The following GRIP1 variants were observed in gnomAD, a reference collection of about 807,000 sequenced individuals.
GRIP1 encodes the protein glutamate receptor-interacting protein 1.
GRIP1 carries 45 observed loss-of-function variants against 129.9 expected under a neutral mutation model. The observed-to-expected ratio is 0.35, with a 90% confidence interval of 0.27 to 0.44. GRIP1 has a LOEUF of 0.44. Ranked by LOEUF, GRIP1 falls within the 20% of genes least tolerant of loss-of-function variation. The pLI is 1.00. For synonymous variants in GRIP1, 530 were observed against 520.8 expected (o/e 1.02, Z -0.24); for missense variants, 1,196 against 1,396.8 (o/e 0.86, Z 2.29).
intron 1 of GRIP1, among the ~76,000 whole-genome samples, chr12:66,946,998 C>T (rs937847330): frequency 2.0e-5 from 3 of 151,300 alleles, no homozygotes; most frequent in Admixed American, 1.3e-4. Flanking sequence ...GAACCGAGAT[C>T]GCACCACTGC....
intron 1 of GRIP1, among the ~76,000 whole-genome samples, chr12:66,731,061 C>G (rs990002845): frequency 7.8e-6 from 1 of 128,144 alleles, no homozygotes; most frequent in African/African-American, 2.6e-5. Flanking sequence ...TGGAGTCATA[C>G]AGCCCATGAA....
At chr12:67,001,386 T>C (rs897956808) in intron 1 of GRIP1, among the ~76,000 whole-genome samples, 2 of 152,082 alleles carry the variant, frequency 1.3e-5, no homozygotes, top group Admixed American at 6.6e-5. Flanking sequence ...AAGAAGGCAA[T>C]GGATGCAAGG....
At chr12:66,578,521 G>A (rs1379000626) in intron 2 of GRIP1, among the ~76,000 whole-genome samples, 1 of 152,186 alleles carries the variant, frequency 6.6e-6, no homozygotes, top group Non-Finnish European at 1.5e-5. Context: ...ACGGGTGACA[G>A]AGGGCACCTG....
At chr12:66,923,164 AG>A (rs1340334670) in intron 1 of GRIP1, among the ~76,000 whole-genome samples, 1 of 152,174 alleles carries the variant, frequency 6.6e-6, no homozygotes, top group Non-Finnish European at 1.5e-5. Context: ...AACAGTTATC[AG>A]GTTGTATGAC....
At chr12:66,534,958 T>C in intron 4 of GRIP1, among the ~76,000 whole-genome samples, 1 of 152,148 alleles carries the variant, frequency 6.6e-6, no homozygotes, top group East Asian at 1.9e-4. Context: ...CCTCCCAAAG[T>C]GCTGGGATTA....
chr12:66,936,569 T>C (rs547702189), intron 1 of GRIP1, among the ~76,000 whole-genome samples: 8 of 152,272 alleles, frequency 5.3e-5, no homozygotes, highest in African/African-American at 1.9e-4. Context: ...CTAAGCACAG[T>C]GCTTTCCTGA....
intron 1 of GRIP1, among the ~76,000 whole-genome samples, chr12:66,698,200 A>G (rs1592753283): frequency 6.6e-6 from 1 of 152,196 alleles, no homozygotes; most frequent in Non-Finnish European, 1.5e-5. Flanking sequence ...TTCAATCAAT[A>G]TGTATCTAGA....
intron 7 of GRIP1, among the ~76,000 whole-genome samples, chr12:66,512,722 A>T (rs922482173): frequency 1.3e-5 from 2 of 151,968 alleles, no homozygotes; most frequent in East Asian, 3.9e-4. Context: ...TGCACTATAA[A>T]TTTTTTGAGT....
At chr12:67,069,269 C>T (rs187417964), upstream of GRIP1, 3,405 of 205,666 alleles carry the variant, frequency 0.017, 139 homozygotes, top group African/African-American at 0.077. Flanking sequence ...GAAGCGGCGC[C>T]GCGCGCCCCG....
chr12:66,692,801 C>T (rs1054198921), intron 1 of GRIP1, among the ~76,000 whole-genome samples: 1 of 152,124 alleles, frequency 6.6e-6, no homozygotes, highest in African/African-American at 2.4e-5. Flanking sequence ...ACCAGACTGC[C>T]TGGGTTTGAA....
chr12:66,639,792 C>T (rs1565932453), intron 1 of GRIP1, among the ~76,000 whole-genome samples: 1 of 152,168 alleles, frequency 6.6e-6, no homozygotes, highest in South Asian at 2.1e-4. Context: ...AATTACCACA[C>T]ATGAAAATGT....
chr12:67,057,378 AG>A (rs1414434906), intron 1 of GRIP1, among the ~76,000 whole-genome samples: 13 of 151,316 alleles, frequency 8.6e-5, no homozygotes, highest in African/African-American at 3.2e-4. Context: ...TGCAACCCAA[AG>A]GTAAAGCCCT....
Position 66,578,233 on chromosome 12 carries a change from T to TTTTTTTG in GRIP1, c.136+18613_136+18614insCAAAAAA, listed in dbSNP as rs2063213926. Among the ~76,000 whole-genome samples, 8 of 14,272 alleles carry TTTTTTTG rather than the reference T, an allele frequency of 5.6e-4. 1 individual carries two copies. In the South Asian group the frequency reaches 0.018, roughly 32 times the overall value. 9.4% of individuals were successfully genotyped at this position (14,272 alleles called of 152,430 possible). On this transcript the variant is annotated intron_variant, in intron 2 of 24. Coordinates refer to ENST00000359742, the MANE Select transcript of GRIP1 (RefSeq NM_001366722.1). The stretch of plus-strand genomic sequence containing the variant: ...CCTGACTAATATGGCAAAACCGCGG[T>TTTTTTTG]TTTTTTTTTTTTTTTTGTAAAAATA...
intron 1 of GRIP1, among the ~76,000 whole-genome samples, chr12:66,659,118 C>G (rs1350152420): frequency 1.3e-5 from 2 of 152,134 alleles, no homozygotes; most frequent in South Asian, 2.1e-4. Flanking sequence ...GTAGAATACT[C>G]TACCCTAGAT....
intron 1 of GRIP1, among the ~76,000 whole-genome samples, chr12:66,697,097 T>G (rs2035192720): frequency 1.3e-5 from 2 of 152,192 alleles, no homozygotes; most frequent in Admixed American, 1.3e-4. Flanking sequence ...AAACATTTGG[T>G]AGTGAATGAA....
chr12:66,777,227 G>A (rs1056203605), intron 1 of GRIP1, among the ~76,000 whole-genome samples: 3 of 152,058 alleles, frequency 2.0e-5, no homozygotes, highest in Non-Finnish European at 2.9e-5. Flanking sequence ...CCTCACTCAC[G>A]CTGTGTTCCC....
intron 1 of GRIP1, among the ~76,000 whole-genome samples, chr12:66,928,797 A>T (rs1317725880): frequency 6.6e-6 from 1 of 152,238 alleles, no homozygotes; most frequent in African/African-American, 2.4e-5. Context: ...AATATTATTG[A>T]CATATACATT....
chr12:66,767,089 T>C (rs907994038), intron 1 of GRIP1, among the ~76,000 whole-genome samples: 2 of 151,962 alleles, frequency 1.3e-5, no homozygotes, highest in African/African-American at 4.8e-5. Context: ...TTTGTCATTT[T>C]CTGGATTAAT....
chr12:66,448,747 A>G (rs2058698822), intron 11 of GRIP1, among the ~76,000 whole-genome samples: 2 of 152,158 alleles, frequency 1.3e-5, no homozygotes, highest in African/African-American at 4.8e-5. Context: ...ACCAGTGTAC[A>G]ATACTGGATA....
Sources: gnomAD v4.1 joint callset for allele counts (sites outside exome capture counted in the v4.1 genomes callset) on GRCh38, gnomAD v4.1.1 for gene constraint, MANE v1.5 for transcripts, NCBI Gene and HGNC (gene_info 2026-07-23, HGNC 2026-07-21) for gene names.